ESRRG: variants seen among roughly 807,000 people sequenced by gnomAD.
The protein encoded by ESRRG is estrogen related receptor gamma.
A neutral mutation model predicts 44.0 loss-of-function variants in ESRRG; 13 were observed. The observed-to-expected ratio is 0.30, with a 90% CI of 0.19 to 0.47. The LOEUF is 0.47. Ranked by LOEUF, ESRRG falls within the 20% of genes least tolerant of loss-of-function variation. ESRRG has a pLI of 1.00. For synonymous variants in ESRRG, 215 were observed against 214.6 expected (o/e 1.00, Z -0.02); for missense variants, 395 against 580.6 (o/e 0.68, Z 3.29).
chr1:216,551,823 A>G (rs2056418391), intron 5 of ESRRG, among the ~76,000 whole-genome samples: 1 of 152,126 alleles, frequency 6.6e-6, no homozygotes, highest in Non-Finnish European at 1.5e-5. Context: ...AGCATCTTTA[A>G]ATTCATGTTA....
intron 3 of ESRRG, among the ~76,000 whole-genome samples, chr1:216,612,958 C>T (rs1429978741): frequency 6.6e-6 from 1 of 152,196 alleles, no homozygotes; most frequent in African/African-American, 2.4e-5. Context: ...GGGCCTTCTC[C>T]TCTGCTGGTA....
chr1:216,568,010 C>T lies in ESRRG; in HGVS notation c.678G>A (p.Leu226=). The change falls in exon 4 of 7, where the codon CTG becomes CTA. Residue 226 remains leucine, a synonymous_variant. Coordinates refer to ENST00000408911, the MANE Select transcript of ESRRG (RefSeq NM_001438.4). ...AENSPYLNPQ[L]VQPAKKPYNK... ...TACATGGCTTTTTGGCTGGCTGAAC[C>T]AGCTGAGGGTTCAGGTATGGGCTGT... 1 of 1,613,204 alleles carries T rather than the reference C, an allele frequency of 6.2e-7. No individual in the cohort carries two copies. Among genetic ancestry groups the T allele is most frequent in the Non-Finnish European group, 8.5e-7 (1 of 1,179,272 alleles).
intron 5 of ESRRG, among the ~76,000 whole-genome samples, chr1:216,553,334 C>G (rs2149409042): frequency 6.6e-6 from 1 of 152,230 alleles, no homozygotes; most frequent in Non-Finnish European, 1.5e-5. Flanking sequence ...GGTGGCTGCT[C>G]TTTGGAGACA....
rs541057474 is a variant in ESRRG at position 217,072,268 on chromosome 1, A to G, written c.-106+17239T>C. Among the ~76,000 whole-genome samples, 3 of 152,302 alleles carry G rather than the reference A, an allele frequency of 2.0e-5. 1 individual carries two copies. Among genetic ancestry groups the G allele is most frequent in the African/African-American group, 7.2e-5 (3 of 41,560 alleles). On this transcript the variant is annotated intron_variant, in intron 1 of 7. Transcript: ENST00000359162. ...CGTATTATTATATATTGATCACTCT[A>G]TGCCAGGGATGTGGTGATTCTTCAC...
At chr1:216,888,189 G>A (rs532345545) in intron 2 of ESRRG, among the ~76,000 whole-genome samples, 3 of 152,056 alleles carry the variant, frequency 2.0e-5, no homozygotes, top group Non-Finnish European at 4.4e-5. Context: ...TATTAAGACC[G>A]ACAGTCACTC....
chr1:216,941,217 A>C (rs1416643566), intron 1 of ESRRG, among the ~76,000 whole-genome samples: 2 of 152,172 alleles, frequency 1.3e-5, no homozygotes, highest in Non-Finnish European at 2.9e-5. Context: ...CACTTAACTG[A>C]CACTAGAGGG....
chr1:217,131,490 C>T (rs1019672469), intron 1 of ESRRG, among the ~76,000 whole-genome samples: 3 of 152,202 alleles, frequency 2.0e-5, no homozygotes, highest in Non-Finnish European at 4.4e-5. Context: ...CCACAGAATC[C>T]AAACATATCT....
intron 4 of ESRRG, among the ~76,000 whole-genome samples, chr1:216,567,662 A>G (rs1173813054): frequency 6.6e-6 from 1 of 152,188 alleles, no homozygotes; most frequent in Non-Finnish European, 1.5e-5. Flanking sequence ...GATCCATTTT[A>G]TGTACCTCTG....
intron 3 of ESRRG, among the ~76,000 whole-genome samples, chr1:216,644,491 C>T (rs558313274): frequency 8.2e-4 from 121 of 148,330 alleles, no homozygotes; most frequent in African/African-American, 2.7e-3. Context: ...TGCAGTGGCA[C>T]GATCTCCACT....
intron 1 of ESRRG, among the ~76,000 whole-genome samples, chr1:216,991,216 A>T (rs2075645761): frequency 6.6e-6 from 1 of 152,220 alleles, no homozygotes; most frequent in Admixed American, 6.5e-5. Flanking sequence ...TGGAAAAATT[A>T]TCTTCCACAA....
intron 3 of ESRRG, among the ~76,000 whole-genome samples, chr1:216,609,181 T>G (rs1278629496): frequency 6.6e-6 from 1 of 152,228 alleles, no homozygotes; most frequent in Admixed American, 6.5e-5. Flanking sequence ...CTCTGCTACA[T>G]AGGATTTCCC....
intron 1 of ESRRG, among the ~76,000 whole-genome samples, chr1:216,679,647 T>A (rs1559181245): frequency 6.6e-6 from 1 of 151,218 alleles, no homozygotes; most frequent in Non-Finnish European, 1.5e-5. Flanking sequence ...TTTTTTTTTT[T>A]ATCCAGAGGA....
At position 217,084,133 on chromosome 1, in the gene ESRRG, T is replaced by TAAA. The variant is rs34135419; in HGVS notation, c.-106+5371_-106+5373dup. On this transcript the variant is annotated intron_variant, in intron 1 of 7. Coordinates refer to the ESRRG transcript ENST00000359162. ...AAAGAAGAAAAATGGAAGAATGGAT[T>TAAA]AAAAAAAAAAAAAACGAGAAACAGG... 2.8e-5 allele frequency among the ~76,000 whole-genome samples: 4 copies of TAAA among 141,020 alleles called. No homozygotes were observed. In the South Asian group the frequency reaches 9.0e-4, roughly 32 times the overall value. The allele number at this position is 141,020 out of a possible 152,430, so 92.5% of individuals were successfully genotyped here.
At chr1:217,070,760 T>C (rs1483830999) in intron 1 of ESRRG, among the ~76,000 whole-genome samples, 1 of 152,240 alleles carries the variant, frequency 6.6e-6, no homozygotes, top group African/African-American at 2.4e-5. Context: ...CTTCTCTCCA[T>C]GCCTCTTTCT....
chr1:216,596,040 G>T (rs12087642), intron 3 of ESRRG, among the ~76,000 whole-genome samples: 1 of 152,100 alleles, frequency 6.6e-6, no homozygotes, highest in East Asian at 1.9e-4. Flanking sequence ...GAAGAACATG[G>T]GTTTCTTACG....
intron 5 of ESRRG, among the ~76,000 whole-genome samples, chr1:216,531,448 C>A (rs528606771): frequency 6.6e-6 from 1 of 152,054 alleles, no homozygotes; most frequent in African/African-American, 2.4e-5. Context: ...GGCATACGTT[C>A]CACTGGGGAG....
At chr1:217,060,487 A>G (rs2088138360) in intron 1 of ESRRG, among the ~76,000 whole-genome samples, 1 of 152,048 alleles carries the variant, frequency 6.6e-6, no homozygotes, top group Admixed American at 6.6e-5. Flanking sequence ...TGATTCTCCT[A>G]TTTGGATAAT....
At chr1:216,587,852 A>C (rs1375700680) in intron 3 of ESRRG, among the ~76,000 whole-genome samples, 1 of 152,184 alleles carries the variant, frequency 6.6e-6, no homozygotes, top group Non-Finnish European at 1.5e-5. Context: ...CTTAGTGTTC[A>C]TGCAAGCAGT....
intron 3 of ESRRG, among the ~76,000 whole-genome samples, chr1:216,638,575 T>C (rs1574548721): frequency 6.6e-6 from 1 of 152,304 alleles, no homozygotes; most frequent in South Asian, 2.1e-4. Context: ...GTGGAAAACA[T>C]GAAATTAAAT....
Sources: allele counts gnomAD v4.1 joint callset (sites outside exome capture counted in the v4.1 genomes callset), GRCh38; gene constraint gnomAD v4.1.1; transcripts MANE v1.5; gene names NCBI Gene and HGNC (gene_info 2026-07-23, HGNC 2026-07-21).